Variants in ERC2 observed in about 807,000 individuals in gnomAD.
ERC2 encodes ELKS/RAB6-interacting/CAST family member 2, also known as ERC protein 2.
ERC2 carries 42 observed loss-of-function variants against 114.8 expected under a neutral mutation model. The ratio of observed to expected loss-of-function variants is 0.37; its 90% CI spans 0.29 to 0.47. The LOEUF (loss-of-function observed/expected upper bound fraction) is 0.47. ERC2 is among the 20% of genes least tolerant of loss of function. The pLI is 0.99. For missense variants in ERC2, 939 were observed against 1,150.7 expected, an observed-to-expected ratio of 0.82 and a Z score of 2.66; for synonymous variants, 454 against 425.5, an observed-to-expected ratio of 1.07 and a Z score of -0.82.
intron 15 of ERC2, among the ~76,000 whole-genome samples, chr3:55,710,716 C>G (rs773252873): frequency 6.6e-6 from 1 of 152,048 alleles, no homozygotes; most frequent in Admixed American, 6.5e-5. Context: ...TAGGAAAAGG[C>G]GGGTAACTTG....
chr3:56,109,842 T>C (rs956224922), intron 6 of ERC2, among the ~76,000 whole-genome samples: 2 of 152,156 alleles, frequency 1.3e-5, no homozygotes, highest in African/African-American at 4.8e-5. Flanking sequence ...AAGCTGAAAT[T>C]AGAAGACAGG....
At chr3:55,700,371 G>A (rs1185108170) in intron 15 of ERC2, among the ~76,000 whole-genome samples, 1 of 152,196 alleles carries the variant, frequency 6.6e-6, no homozygotes, top group African/African-American at 2.4e-5. Flanking sequence ...AGACCTGCCT[G>A]GATTCAAGTC....
chr3:56,322,737 A>C (rs2057185012), intron 2 of ERC2, among the ~76,000 whole-genome samples: 1 of 152,184 alleles, frequency 6.6e-6, no homozygotes, highest in Non-Finnish European at 1.5e-5. Context: ...GGTCTCCCTC[A>C]TTTAAGAAGA....
chr3:55,694,988 A>G (rs1172541511), intron 16 of ERC2, among the ~76,000 whole-genome samples: 1 of 152,176 alleles, frequency 6.6e-6, no homozygotes, highest in African/African-American at 2.4e-5. Context: ...ATAAAATATG[A>G]CTTTTACTGG....
intron 4 of ERC2, among the ~76,000 whole-genome samples, chr3:56,157,857 G>A (rs191889818): frequency 1.3e-5 from 2 of 152,250 alleles, no homozygotes; most frequent in Admixed American, 1.3e-4. Flanking sequence ...GGCATGTGAT[G>A]GTTGGTATGC....
At chr3:56,078,354 CT>C (rs902782872) in intron 7 of ERC2, among the ~76,000 whole-genome samples, 1 of 152,162 alleles carries the variant, frequency 6.6e-6, no homozygotes, top group African/African-American at 2.4e-5. Context: ...TTGAATCTAA[CT>C]TTGTTTTTAA....
chr3:55,771,982 T>A (rs2068240309), intron 14 of ERC2, among the ~76,000 whole-genome samples: 1 of 152,132 alleles, frequency 6.6e-6, no homozygotes, highest in Admixed American at 6.5e-5. Flanking sequence ...TGGGAGCAAC[T>A]CATAAAGGAT....
chr3:56,442,175 T>G (rs1475248937), intron 1 of ERC2, among the ~76,000 whole-genome samples: 1 of 152,070 alleles, frequency 6.6e-6, no homozygotes, highest in African/African-American at 2.4e-5. Context: ...ATTACGAAAC[T>G]CAGGATTTCA....
chr3:56,201,725 G>A (rs2048418565), intron 3 of ERC2, among the ~76,000 whole-genome samples: 1 of 152,160 alleles, frequency 6.6e-6, no homozygotes, highest in South Asian at 2.1e-4. Context: ...AAAAACACAA[G>A]ACAATATATA....
At chr3:55,593,150 C>T (rs1322744266) in intron 17 of ERC2, among the ~76,000 whole-genome samples, 1 of 152,176 alleles carries the variant, frequency 6.6e-6, no homozygotes, top group African/African-American at 2.4e-5. Context: ...CCTGATCCAG[C>T]GCTGCTTTCA....
At chr3:56,307,841 CACA>C in intron 2 of ERC2, among the ~76,000 whole-genome samples, 1 of 149,324 alleles carries the variant, frequency 6.7e-6, no homozygotes, top group South Asian at 2.1e-4. Context: ...CACACACACA[CACA>C]CACACACACA....
intron 3 of ERC2, among the ~76,000 whole-genome samples, chr3:56,282,995 A>G (rs77707926): frequency 0.011 from 1,615 of 152,354 alleles, 26 homozygotes; most frequent in African/African-American, 0.037. Context: ...GTCTTCTGGA[A>G]AAGCCTGTGT....
intron 17 of ERC2, among the ~76,000 whole-genome samples, chr3:55,648,896 G>A (rs2060498763): frequency 6.6e-6 from 1 of 152,148 alleles, no homozygotes; most frequent in Non-Finnish European, 1.5e-5. Flanking sequence ...GAGCGGCAGA[G>A]AGAGGGTACA....
intron 11 of ERC2, among the ~76,000 whole-genome samples, chr3:55,988,463 G>A (rs997428570): frequency 1.3e-5 from 2 of 152,210 alleles, no homozygotes; most frequent in African/African-American, 2.4e-5. Flanking sequence ...CCACGCACAT[G>A]GAATTTAAGA....
chr3:56,201,203 G>A (rs2048384311), intron 3 of ERC2, among the ~76,000 whole-genome samples: 1 of 152,128 alleles, frequency 6.6e-6, no homozygotes, highest in Non-Finnish European at 1.5e-5. Flanking sequence ...AGCCTTTGCT[G>A]AATTCCTCAA....
At chr3:56,051,278 A>C (rs1041701081) in intron 7 of ERC2, among the ~76,000 whole-genome samples, 4 of 114,108 alleles carry the variant, frequency 3.5e-5, no homozygotes, top group African/African-American at 1.3e-4. Context: ...ATTTACCAGC[A>C]GATTAAGATG....
At chr3:55,805,212 AT>A (rs1482907048) in intron 14 of ERC2, among the ~76,000 whole-genome samples, 2 of 151,958 alleles carry the variant, frequency 1.3e-5, no homozygotes, top group South Asian at 2.1e-4. Flanking sequence ...CTTCTGTTTA[AT>A]TTTTATTACC....
At chr3:56,144,082 T>G (rs1319404016) in intron 5 of ERC2, among the ~76,000 whole-genome samples, 1 of 152,184 alleles carries the variant, frequency 6.6e-6, no homozygotes, top group Admixed American at 6.5e-5. Flanking sequence ...TTGAGAAGGA[T>G]CCTAAGTATG....
rs566623712 is a variant in ERC2, at chr3:55,864,783, C to T, written c.2564+23606G>A. ...TCACAGTCATCATCATCAGCAGTAC[C>T]ACCACCACAGCCATCATCATTGGGT... On this transcript the variant is annotated intron_variant, in intron 14 of 17. Transcript: ENST00000288221. 7.2e-4 allele frequency among the ~76,000 whole-genome samples: 110 copies of T among 152,210 alleles called. 2 individuals are homozygous for T. Among genetic ancestry groups the T allele is most frequent in the African/African-American group, 2.6e-3 (110 of 41,534 alleles).
Sources: gnomAD v4.1 joint callset for allele counts (sites outside exome capture counted in the v4.1 genomes callset) on GRCh38, gnomAD v4.1.1 for gene constraint, MANE v1.5 for transcripts, NCBI Gene and HGNC (gene_info 2026-07-23, HGNC 2026-07-21) for gene names.